Variants in SDCCAG8 observed in about 807,000 individuals in gnomAD.
SDCCAG8 encodes SHH signaling and ciliogenesis regulator SDCCAG8, also known as serologically defined colon cancer antigen 8.
A neutral mutation model predicts 101.8 loss-of-function variants in SDCCAG8; 74 were observed. That is an observed-to-expected ratio of 0.73 (90% CI 0.60 to 0.88). The LOEUF (loss-of-function observed/expected upper bound fraction) is 0.88. Among genes scored for constraint, SDCCAG8 ranks in the 40% least tolerant of loss-of-function variants. The pLI, the probability that SDCCAG8 is intolerant of heterozygous loss-of-function variation, is 0.00. For synonymous variants in SDCCAG8, 281 were observed against 292.9 expected (o/e 0.96, Z 0.41); for missense variants, 787 against 822.6 (o/e 0.96, Z 0.53).
At chr1:243,282,195 A>G (rs1247195515) in intron 4 of SDCCAG8, among the ~76,000 whole-genome samples, 10 of 151,250 alleles carry the variant, frequency 6.6e-5, no homozygotes, top group Admixed American at 6.6e-4. Flanking sequence ...CAATTGATCA[A>G]TTGTACTTCT....
chr1:243,426,693 T>C (rs1055222347), intron 16 of SDCCAG8, 135 bp downstream of exon 16: 3 of 1,070,016 alleles, frequency 2.8e-6, no homozygotes, highest in Non-Finnish European at 4.3e-6. Context: ...ATCTAATACT[T>C]TATTTTATGT....
intron 12 of SDCCAG8, among the ~76,000 whole-genome samples, chr1:243,347,962 TTTC>T (rs1453774134): frequency 6.6e-6 from 1 of 151,680 alleles, no homozygotes; most frequent in East Asian, 1.9e-4. Context: ...AACATTTTCC[TTTC>T]TTCTTCAGTC....
intron 13 of SDCCAG8, among the ~76,000 whole-genome samples, chr1:243,381,965 T>C (rs1404575364): frequency 6.6e-6 from 1 of 152,052 alleles, no homozygotes; most frequent in Non-Finnish European, 1.5e-5. Flanking sequence ...GAGGTGGAGA[T>C]ATTTGGCAGC....
In SDCCAG8 at chr1:243,330,700, A is replaced by G; in HGVS notation, c.1221+8A>G. The G allele has an allele frequency of 6.2e-7, 1 of 1,613,990 alleles. No homozygotes were observed. The highest frequency in any genetic ancestry group is 8.5e-7 in the Non-Finnish European group (1 of 1,179,858). ...GAGTACATGGGATCAAAGGTACTTA[A>G]GGACTCTGCTGTTATCCACATTGCA... On this transcript the variant is annotated splice_region_variant and intron_variant, in intron 10 of 17. Coordinates refer to ENST00000366541, the MANE Select transcript of SDCCAG8 (RefSeq NM_006642.5).
chr1:243,385,336 G>A (rs2078210306), intron 13 of SDCCAG8, among the ~76,000 whole-genome samples: 1 of 152,132 alleles, frequency 6.6e-6, no homozygotes, highest in Non-Finnish European at 1.5e-5. Context: ...GCTGCAGTGA[G>A]CTGTGATGGC....
At chr1:243,286,251 G>A (rs2149285498) in intron 4 of SDCCAG8, 21 bp from the exon 5 acceptor site, 1 of 1,611,636 alleles carries the variant, frequency 6.2e-7, no homozygotes, top group African/African-American at 1.3e-5. Context: ...TGCTTAATGT[G>A]TTTGGTTTTG....
At chr1:243,447,964 G>A (rs4403617) in intron 16 of SDCCAG8, among the ~76,000 whole-genome samples, 25,992 of 152,070 alleles carry the variant, frequency 0.17, 2,396 homozygotes, top group African/African-American at 0.22. Context: ...TTTCTGCGTG[G>A]CTTTGTGATC....
At chr1:243,297,414 C>A (rs928907728) in intron 6 of SDCCAG8, among the ~76,000 whole-genome samples, 1 of 152,188 alleles carries the variant, frequency 6.6e-6, no homozygotes, top group African/African-American at 2.4e-5. Flanking sequence ...GTGTGTATGA[C>A]ACAAATTTAC....
At chr1:243,313,526 A>G (rs979383833) in intron 8 of SDCCAG8, among the ~76,000 whole-genome samples, 5 of 152,216 alleles carry the variant, frequency 3.3e-5, no homozygotes, top group Non-Finnish European at 7.4e-5. Context: ...TCTTTACGTC[A>G]TCTTTCTGCC....
At chr1:243,384,988 C>G (rs995126491) in intron 13 of SDCCAG8, among the ~76,000 whole-genome samples, 1 of 152,152 alleles carries the variant, frequency 6.6e-6, no homozygotes, top group South Asian at 2.1e-4. Context: ...CTACATGGAG[C>G]ATTTTCTGTC....
rs377358593 is a variant in SDCCAG8 at position 243,270,217 on chromosome 1, C to T, written c.180C>T (p.Asp60=). 38 of 1,613,968 alleles carry T rather than the reference C, an allele frequency of 2.4e-5. No homozygotes were observed. Among genetic ancestry groups the T allele is most frequent in the African/African-American group, 1.3e-4 (10 of 74,878 alleles). ...TTAGCACCAGTGTGGGAAATGAGGA[C>T]GCCAGGACAGCCTGGCCCGAATTAC... is the stretch of plus-strand genomic sequence containing the variant. ...LSFSTSVGNE[D]ARTAWPELQQ... is the part of the protein sequence containing the mutation. The change falls in exon 2 of 18, where the codon GAC becomes GAT. Residue 60 remains aspartate, a synonymous_variant. Transcript: ENST00000366541.
intron 8 of SDCCAG8, among the ~76,000 whole-genome samples, chr1:243,310,330 C>T (rs927770565): frequency 5.3e-5 from 8 of 152,042 alleles, no homozygotes; most frequent in South Asian, 2.1e-4. Context: ...TATATGTCAA[C>T]GACTGTGCTA....
At chr1:243,383,483 G>C (rs2078084398) in intron 13 of SDCCAG8, among the ~76,000 whole-genome samples, 1 of 152,108 alleles carries the variant, frequency 6.6e-6, no homozygotes, top group Non-Finnish European at 1.5e-5. Flanking sequence ...CCTATATCTG[G>C]ACATTAGGCA....
Position 243,415,693 on chromosome 1 carries a change from G to A in SDCCAG8, c.1617-9G>A. The stretch of plus-strand genomic sequence containing the variant: ...TTAAATTTCTGTATGTCTCCTCTCT[G>A]TTTTGCAGACAGGAAAAAGATAGCA... On this transcript the variant is annotated splice_polypyrimidine_tract_variant and intron_variant, in intron 13 of 17. Transcript: ENST00000366541. 1 of 1,613,732 alleles carries A rather than the reference G, an allele frequency of 6.2e-7. No homozygotes were observed. Among genetic ancestry groups the A allele is most frequent in the African/African-American group, 1.3e-5 (1 of 75,036 alleles).
At position 243,300,745 on chromosome 1, in the gene SDCCAG8, T is replaced by C. The variant is rs556966680; in HGVS notation, c.676-3968T>C. 3.3e-5 allele frequency among the ~76,000 whole-genome samples: 5 copies of C among 152,246 alleles called. No homozygotes were observed. In the East Asian group the frequency reaches 9.6e-4, roughly 29 times the overall value. On this transcript the variant is annotated intron_variant, in intron 6 of 17. Transcript: ENST00000366541. ...TCCTCTGTGAGGCCTTCTTTACTTA[T>C]CTTTGGCTGAATTAGGAGTTCCTGC...
intron 12 of SDCCAG8, among the ~76,000 whole-genome samples, chr1:243,346,696 C>T (rs949571516): frequency 2.0e-5 from 3 of 152,138 alleles, no homozygotes; most frequent in Admixed American, 6.5e-5. Context: ...TGTCAGGAAC[C>T]GATGGGCGGA....
intron 17 of SDCCAG8, among the ~76,000 whole-genome samples, chr1:243,495,737 T>C (rs1037288757): frequency 1.3e-5 from 2 of 152,212 alleles, no homozygotes; most frequent in Non-Finnish European, 2.9e-5. Flanking sequence ...TCCCCGACGT[T>C]CTGCCCAGCA....
intron 13 of SDCCAG8, among the ~76,000 whole-genome samples, chr1:243,394,026 A>G (rs1276879449): frequency 6.6e-6 from 1 of 152,202 alleles, no homozygotes; most frequent in African/African-American, 2.4e-5. Flanking sequence ...ACCTGTTAAA[A>G]TTTGATAACT....
At chr1:243,384,148 G>C (rs2078128973) in intron 13 of SDCCAG8, among the ~76,000 whole-genome samples, 1 of 152,140 alleles carries the variant, frequency 6.6e-6, no homozygotes, top group African/African-American at 2.4e-5. Flanking sequence ...AGTTTTTTGT[G>C]TACTTGCTAT....
Sources: gnomAD v4.1 joint callset for allele counts (sites outside exome capture counted in the v4.1 genomes callset) on GRCh38, gnomAD v4.1.1 for gene constraint, MANE v1.5 for transcripts, NCBI Gene and HGNC (gene_info 2026-07-23, HGNC 2026-07-21) for gene names.